The following DIP2C variants were observed in gnomAD, a reference collection of about 807,000 sequenced individuals.
DIP2C encodes the protein disco-interacting protein 2 homolog C.
Under a neutral mutation model 192.4 loss-of-function variants are expected in DIP2C, and 33 were observed. That is an observed-to-expected ratio of 0.17 (90% CI 0.13 to 0.23). DIP2C has a LOEUF of 0.23. Among genes scored for constraint, DIP2C ranks in the 10% least tolerant of loss-of-function variants. DIP2C has a pLI of 1.00. For missense variants in DIP2C, 1,537 were observed against 2,110.1 expected (o/e 0.73, Z 5.32); for synonymous variants, 979 against 864.1 (o/e 1.13, Z -2.33).
chr10:553,861 A>C (rs1848707291), intron 1 of DIP2C, among the ~76,000 whole-genome samples: 1 of 151,804 alleles, frequency 6.6e-6, no homozygotes, highest in African/African-American at 2.4e-5. Context: ...TACGCTTGTA[A>C]CTAACAGTGA....
intron 32 of DIP2C, among the ~76,000 whole-genome samples, chr10:288,840 G>A (rs952983770): frequency 1.3e-5 from 2 of 152,256 alleles, no homozygotes; most frequent in Non-Finnish European, 2.9e-5. Flanking sequence ...CAGCGGCCGA[G>A]AGCCCTCCCA....
intron 4 of DIP2C, among the ~76,000 whole-genome samples, chr10:428,106 A>G (rs1966712034): frequency 2.6e-5 from 4 of 152,220 alleles, no homozygotes; most frequent in Admixed American, 2.6e-4. Flanking sequence ...ATGGTACAGC[A>G]CGGACTTCAA....
intron 32 of DIP2C, among the ~76,000 whole-genome samples, chr10:305,943 C>G (rs1956294847): frequency 6.8e-6 from 1 of 147,998 alleles, no homozygotes; most frequent in South Asian, 2.2e-4. Flanking sequence ...CCATTCCCAG[C>G]CTTAAAACCG....
chr10:440,858 G>A lies in DIP2C; in HGVS notation c.394+13C>T. 6.2e-7 allele frequency: 1 copy of A among 1,609,178 alleles called. No individual in the cohort carries two copies. Among genetic ancestry groups the A allele is most frequent in the Non-Finnish European group, 8.5e-7 (1 of 1,178,622 alleles). On this transcript the variant is annotated intron_variant, in intron 4 of 36. Coordinates refer to ENST00000280886, the MANE Select transcript of DIP2C (RefSeq NM_014974.3). ...CACATTCAGGAGGCCGTGTCGGGGA[G>A]CGTGTCCCTTACCTGGAGGGGTGTA...
At chr10:531,331 G>C (rs1202350463) in intron 1 of DIP2C, among the ~76,000 whole-genome samples, 3 of 151,906 alleles carry the variant, frequency 2.0e-5, no homozygotes. Flanking sequence ...ACAAACTCCC[G>C]TGTGTTTAAA....
At chr10:457,283 C>T (rs373785206) in intron 3 of DIP2C, among the ~76,000 whole-genome samples, 1 of 152,264 alleles carries the variant, frequency 6.6e-6, no homozygotes, top group African/African-American at 2.4e-5. Flanking sequence ...TTTTTTCTAA[C>T]ATGTTAAGAT....
In DIP2C at chr10:392,737, C is replaced by T. The variant is rs957629479; in HGVS notation, c.1261-1874G>A. 8.5e-5 allele frequency among the ~76,000 whole-genome samples: 8 copies of T among 94,352 alleles called. No individual in the cohort carries two copies. The East Asian group carries it at 2.4e-3, about 28-fold the overall frequency. The allele number at this position is 94,352 out of a possible 152,430, so 61.9% of individuals were successfully genotyped here. A position where few individuals can be genotyped will look rare whatever the true frequency, so the allele number is the denominator to read the frequency against. On this transcript the variant is annotated intron_variant, in intron 10 of 36. Coordinates refer to ENST00000280886, the MANE Select transcript of DIP2C (RefSeq NM_014974.3). The stretch of plus-strand genomic sequence containing the variant: ...GTACACACGCGCCCAGGTACACACG[C>T]GCACACACTCACATACACACACACA...
intron 3 of DIP2C, among the ~76,000 whole-genome samples, chr10:468,757 A>G (rs995447246): frequency 2.6e-5 from 4 of 152,184 alleles, no homozygotes; most frequent in Non-Finnish European, 5.9e-5. Flanking sequence ...CCTGGGCAAC[A>G]AGAGTGAAAC....
At chr10:448,833 G>T (rs1321532297) in intron 3 of DIP2C, among the ~76,000 whole-genome samples, 2 of 131,628 alleles carry the variant, frequency 1.5e-5, no homozygotes, top group African/African-American at 6.5e-5. Context: ...TCTATACTCA[G>T]GATCACACAC....
intron 17 of DIP2C, among the ~76,000 whole-genome samples, chr10:373,602 G>C (rs773304716): frequency 6.6e-6 from 1 of 152,024 alleles, no homozygotes; most frequent in Non-Finnish European, 1.5e-5. Flanking sequence ...CTGTGCTAAA[G>C]GGTGGAAGGC....
intron 33 of DIP2C, among the ~76,000 whole-genome samples, chr10:286,993 G>A (rs190089549): frequency 2.6e-4 from 39 of 152,318 alleles, no homozygotes; most frequent in Non-Finnish European, 4.3e-4. Context: ...TCGTTAGAAC[G>A]TCCGTGTGGA....
chr10:363,041 T>A lies in DIP2C; in HGVS notation c.2592+156A>T, dbSNP rs148793672. Among the ~76,000 whole-genome samples the A allele has an allele frequency of 1.1e-3, 163 of 152,124 alleles. 2 individuals carry two copies. In the East Asian group the frequency reaches 0.027, roughly 25 times the overall value. ...TACACCCTCGATCTGCTGAGCTAGTTTCTGGACACTTGATGTAGTTCCTGA... is the reference window on the plus strand; with the variant it reads ...TACACCCTCGATCTGCTGAGCTAGTATCTGGACACTTGATGTAGTTCCTGA... On this transcript the variant is annotated intron_variant, in intron 21 of 36. Transcript: ENST00000280886. The surrounding 1 kb of genome is among the most constrained non-coding windows in gnomAD (Gnocchi z 5.4).
At position 367,547 on chromosome 10, in the gene DIP2C, G is replaced by A. The variant is rs908372866; in HGVS notation, c.2132-1136C>T. Among the ~76,000 whole-genome samples, 5 of 152,214 alleles carry A rather than the reference G, an allele frequency of 3.3e-5. No individual in the cohort carries two copies. In the East Asian group the frequency reaches 7.7e-4, roughly 23 times the overall value. On this transcript the variant is annotated intron_variant, in intron 18 of 36. Coordinates refer to ENST00000280886, the MANE Select transcript of DIP2C (RefSeq NM_014974.3). ...AAGAAGTGCTGCTGCTTACCGCTCG[G>A]CAGGGTACAGCTTCACAACCTTCGA...
chr10:619,508 T>TA (rs904182932), intron 1 of DIP2C, among the ~76,000 whole-genome samples: 2 of 135,102 alleles, frequency 1.5e-5, no homozygotes, highest in Non-Finnish European at 1.6e-5. Flanking sequence ...AGCACAGGCT[T>TA]TATGCCAGGG....
intron 1 of DIP2C, among the ~76,000 whole-genome samples, chr10:604,918 G>T (rs1429195993): frequency 6.6e-6 from 1 of 152,192 alleles, no homozygotes; most frequent in African/African-American, 2.4e-5. Context: ...TGGCTATGGT[G>T]CTTCCCACAC....
At chr10:637,967 C>T (rs1282079942) in intron 1 of DIP2C, among the ~76,000 whole-genome samples, 1 of 152,214 alleles carries the variant, frequency 6.6e-6, no homozygotes, top group African/African-American at 2.4e-5. Context: ...TAAGACAAGC[C>T]AAGACTCCTG....
intron 1 of DIP2C, among the ~76,000 whole-genome samples, chr10:532,682 G>GGT (rs765264543): frequency 1.4e-5 from 1 of 70,400 alleles, no homozygotes. Context: ...AGAGAGTATG[G>GGT]GTGTGAGAGA....
intron 29 of DIP2C, among the ~76,000 whole-genome samples, chr10:334,554 A>G (rs536244521): frequency 1.3e-5 from 2 of 152,284 alleles, no homozygotes; most frequent in South Asian, 2.1e-4. Context: ...TAAAATTTTT[A>G]TAATTTTTGC....
At chr10:658,884 C>T (rs1257370287) in intron 1 of DIP2C, among the ~76,000 whole-genome samples, 1 of 152,216 alleles carries the variant, frequency 6.6e-6, no homozygotes, top group South Asian at 2.1e-4. Context: ...ATCCCATGCA[C>T]TCTCTCCAGG....
Sources: gnomAD v4.1 joint callset for allele counts (sites outside exome capture counted in the v4.1 genomes callset) on GRCh38, gnomAD v4.1.1 for gene constraint, Gnocchi (gnomAD v3.1) non-coding constraint, MANE v1.5 for transcripts, NCBI Gene and HGNC (gene_info 2026-07-23, HGNC 2026-07-21) for gene names.